The following USP14 variants were observed in gnomAD, a reference collection of about 807,000 sequenced individuals.
USP14 encodes ubiquitin specific peptidase 14.
A neutral mutation model predicts 76.5 loss-of-function variants in USP14; 38 were observed. The observed-to-expected ratio is 0.50, with a 90% CI of 0.38 to 0.65. USP14 has a LOEUF of 0.65. USP14 is among the 30% of genes least tolerant of loss of function. The probability of loss-of-function intolerance (pLI) is 0.00; values close to 1 mark genes in which losing one functional copy is unlikely to be tolerated. For missense variants in USP14, 467 were observed against 586.5 expected (o/e 0.80, Z 2.10); for synonymous variants, 192 against 191.7 (o/e 1.00, Z -0.01).
intron 10 of USP14, among the ~76,000 whole-genome samples, chr18:200,876 A>G (rs1910366811): frequency 6.6e-6 from 1 of 152,116 alleles, no homozygotes; most frequent in Non-Finnish European, 1.5e-5. Flanking sequence ...ATCTCGGCTC[A>G]CTGCAACCTC....
At chr18:177,660 T>C (rs1393379156) in intron 3 of USP14, among the ~76,000 whole-genome samples, 2 of 151,390 alleles carry the variant, frequency 1.3e-5, no homozygotes, top group Non-Finnish European at 1.5e-5. Flanking sequence ...AATCTCCACT[T>C]CTGGTCCTAC....
At chr18:159,069 T>G in intron 1 of USP14, 1 of 227,928 alleles carries the variant, frequency 4.4e-6, no homozygotes, top group Non-Finnish European at 8.5e-6. Context: ...GGAGATTCCT[T>G]TGGGCTTCTC....
chr18:171,250 T>C (rs1225592905), intron 3 of USP14, among the ~76,000 whole-genome samples: 1 of 151,806 alleles, frequency 6.6e-6, no homozygotes, highest in Non-Finnish European at 1.5e-5. Context: ...AGCCTGATAT[T>C]GGAAAAAGAT....
At position 214,399 on chromosome 18, in the gene USP14, T is replaced by A; in HGVS notation, c.*3115T>A. The A allele has an allele frequency of 4.5e-6, 2 of 446,972 alleles. No individual in the cohort carries two copies. The highest frequency in any genetic ancestry group is 7.9e-6 in the Non-Finnish European group (2 of 253,184). The allele number at this position is 446,972 out of a possible 1,614,324, so 27.7% of individuals were successfully genotyped here. ...TAAATACATCTACTTAACAAAAAAATATATTTTGTGATCTTGAGGTCACTT... is the reference window on the plus strand; with the variant it reads ...TAAATACATCTACTTAACAAAAAAAAATATTTTGTGATCTTGAGGTCACTT... On this transcript the variant is annotated 3_prime_UTR_variant, in exon 16 of 16. Transcript: ENST00000261601.
At chr18:210,187 T>A (rs1910632659) in intron 14 of USP14, 156 bp downstream of exon 14, 1 of 725,068 alleles carries the variant, frequency 1.4e-6, no homozygotes. Context: ...GTAAATTTAC[T>A]CATTGGCATA....
At chr18:195,996 G>C (rs1489445504) in intron 6 of USP14, among the ~76,000 whole-genome samples, 1 of 151,828 alleles carries the variant, frequency 6.6e-6, no homozygotes, top group Non-Finnish European at 1.5e-5. Flanking sequence ...CTTATTGAGA[G>C]TCCAACAATT....
At position 180,277 on chromosome 18, in the gene USP14, T is replaced by G; in HGVS notation, c.342T>G (p.Cys114Trp). The G allele has an allele frequency of 6.3e-7, 1 of 1,583,144 alleles. No individual in the cohort carries two copies. The highest frequency in any genetic ancestry group is 8.5e-7 in the Non-Finnish European group (1 of 1,171,996). Residue 114 changes from cysteine to tryptophan, a missense_variant, in exon 5 of 16, where the codon TGT becomes TGG. Coordinates refer to ENST00000261601, the MANE Select transcript of USP14 (RefSeq NM_005151.4). ...GATTGACAAACCTTGGTAACACTTG[T>G]TACATGAATGCCACAGTTCAGTGTA... The part of the protein sequence containing the change: ...PCGLTNLGNT[C>W]YMNATVQCIR...
intron 3 of USP14, among the ~76,000 whole-genome samples, chr18:169,740 C>T (rs1909389331): frequency 6.6e-6 from 1 of 152,098 alleles, no homozygotes; most frequent in Admixed American, 6.6e-5. Flanking sequence ...ACCATTTTTC[C>T]AGCAGCCTAT....
intron 3 of USP14, among the ~76,000 whole-genome samples, chr18:175,876 G>A (rs1468834699): frequency 6.6e-6 from 1 of 152,026 alleles, no homozygotes; most frequent in African/African-American, 2.4e-5. Context: ...TGGGTTTGGA[G>A]TTTTCTTTGT....
In USP14 at chr18:158,600, C is replaced by T. The variant is rs1034038692; in HGVS notation, c.-99C>T. ...CGAAGCCGCCGCCACCACCGCGCCT[C>T]CGCCTCGGCCGCCGCCGCAGCTGCT... On this transcript the variant is annotated 5_prime_UTR_variant, in exon 1 of 16. Coordinates refer to ENST00000261601, the MANE Select transcript of USP14 (RefSeq NM_005151.4). 5.1e-4 allele frequency: 694 copies of T among 1,350,308 alleles called. 1 individual carries two copies. The highest frequency in any genetic ancestry group is 6.6e-4 in the Non-Finnish European group (662 of 1,000,598). 83.6% of individuals were successfully genotyped at this position (1,350,308 alleles called of 1,614,324 possible).
chr18:214,424 T>C lies in USP14; in HGVS notation c.*3140T>C. On this transcript the variant is annotated 3_prime_UTR_variant, in exon 16 of 16. Coordinates refer to ENST00000261601, the MANE Select transcript of USP14 (RefSeq NM_005151.4). ...TATATTTTGTGATCTTGAGGTCACT[T>C]CGTTTAGGTCATTATCTCAACCCAA... The C allele has an allele frequency of 3.9e-6, 2 of 511,972 alleles. No homozygotes were observed. Among genetic ancestry groups the C allele is most frequent in the Non-Finnish European group, 6.8e-6 (2 of 292,002 alleles). The allele number at this position is 511,972 out of a possible 1,614,324, so 31.7% of individuals were successfully genotyped here.
Position 211,439 on chromosome 18 carries a change from C to A in USP14, c.*155C>A. 1 of 657,774 alleles carries A rather than the reference C, an allele frequency of 1.5e-6. No homozygotes were observed. 40.7% of individuals were successfully genotyped at this position (657,774 alleles called of 1,614,324 possible). A position where few individuals can be genotyped will look rare whatever the true frequency, so the allele number is the denominator to read the frequency against. ...AGAAGCAGACCACTCTGTGCACCAA[C>A]CTAAAAAATTACAGAGAAGAGAAAA... On this transcript the variant is annotated 3_prime_UTR_variant, in exon 16 of 16. Coordinates refer to ENST00000261601, the MANE Select transcript of USP14 (RefSeq NM_005151.4).
At chr18:206,483 CTGTAGCTTA>C (rs1367913357) in intron 13 of USP14, among the ~76,000 whole-genome samples, 4 of 152,166 alleles carry the variant, frequency 2.6e-5, no homozygotes, top group Middle Eastern at 3.2e-3. Context: ...TTCTCCTAGT[CTGTAGCTTA>C]TGTTTTCATC....
chr18:202,695 G>T (rs1567835924), intron 10 of USP14, among the ~76,000 whole-genome samples, 185 bp from the exon 11 acceptor site: 1 of 152,086 alleles, frequency 6.6e-6, no homozygotes, highest in African/African-American at 2.4e-5. Context: ...TGTAAGAATT[G>T]AACAGTATCT....
chr18:180,386 A>T, intron 5 of USP14, 47 bp downstream of exon 5: 2 of 1,159,574 alleles, frequency 1.7e-6, no homozygotes, highest in Non-Finnish European at 2.5e-6. Flanking sequence ...CATTTGGATG[A>T]GTAGTATTGT....
At chr18:187,841 C>A (rs1471505010) in intron 5 of USP14, among the ~76,000 whole-genome samples, 1 of 152,040 alleles carries the variant, frequency 6.6e-6, no homozygotes, top group African/African-American at 2.4e-5. Context: ...CTTGAAAACA[C>A]ATTTATTTAC....
At chr18:198,848 C>T (rs1350580567) in intron 9 of USP14, among the ~76,000 whole-genome samples, 2 of 152,052 alleles carry the variant, frequency 1.3e-5, no homozygotes, top group Non-Finnish European at 2.9e-5. Context: ...GTTAATAAAA[C>T]ATGAATCAGG....
chr18:189,591 T>A (rs1910030697), intron 5 of USP14, among the ~76,000 whole-genome samples: 2 of 152,110 alleles, frequency 1.3e-5, no homozygotes, highest in Admixed American at 6.5e-5. Flanking sequence ...CAAGTGATTC[T>A]CCTACCACAG....
At chr18:158,906 A>ACG in intron 1 of USP14, 192 bp downstream of exon 1, 1 of 912,562 alleles carries the variant, frequency 1.1e-6, no homozygotes, top group Non-Finnish European at 1.4e-6. Context: ...GTGGCAGGGG[A>ACG]GCGCCGTCCC....
Sources: gnomAD v4.1 joint callset for allele counts (sites outside exome capture counted in the v4.1 genomes callset) on GRCh38, gnomAD v4.1.1 for gene constraint, MANE v1.5 for transcripts, NCBI Gene and HGNC (gene_info 2026-07-23, HGNC 2026-07-21) for gene names.